The following PGBD5 variants were observed in gnomAD, a reference collection of about 807,000 sequenced individuals.
PGBD5 encodes the protein piggyBac transposable element derived 5.
In PGBD5, 14 loss-of-function variants were observed where a neutral mutation model predicts 47.9. The ratio of observed to expected loss-of-function variants is 0.29; its 90% CI spans 0.19 to 0.46. The LOEUF is 0.46. PGBD5 is among the 20% of genes least tolerant of loss of function. The probability of loss-of-function intolerance (pLI) is 1.00; values close to 1 mark genes in which losing one functional copy is unlikely to be tolerated. For missense variants in PGBD5, 635 were observed against 716.0 expected, an observed-to-expected ratio of 0.89 and a Z score of 1.29; for synonymous variants, 316 against 306.3, an observed-to-expected ratio of 1.03 and a Z score of -0.33.
intron 4 of PGBD5, among the ~76,000 whole-genome samples, 178 bp downstream of exon 4, chr1:230,336,930 G>A (rs891352635): frequency 6.6e-6 from 1 of 152,352 alleles, no homozygotes; most frequent in African/African-American, 2.4e-5. Context: ...CTAGTGCCCA[G>A]CGGGATCCAG....
At chr1:230,368,677 G>C (rs528534346) in intron 1 of PGBD5, among the ~76,000 whole-genome samples, 1 of 152,354 alleles carries the variant, frequency 6.6e-6, no homozygotes, top group South Asian at 2.1e-4. Flanking sequence ...TGCTGAGGGA[G>C]AGAAGAAAAA....
At chr1:230,401,124 G>A (rs977983653) in intron 1 of PGBD5, among the ~76,000 whole-genome samples, 16 of 152,178 alleles carry the variant, frequency 1.1e-4, no homozygotes, top group African/African-American at 3.9e-4. Flanking sequence ...ACAGCCCTAC[G>A]CAGATGGTCA....
In PGBD5 at chr1:230,394,213, G is replaced by A. The variant is rs560140798; in HGVS notation, c.331+31385C>T. Among the ~76,000 whole-genome samples, 13 of 151,980 alleles carry A rather than the reference G, an allele frequency of 8.6e-5. No individual in the cohort carries two copies. The South Asian group carries it at 2.7e-3, about 32-fold the overall frequency. ...TCCTGTCTCAGGCCTGAGGACCAGG[G>A]CAAAGCATGCTAGATAAACGTGCCC... On this transcript the variant is annotated intron_variant, in intron 1 of 6. Coordinates refer to ENST00000391860, the MANE Select transcript of PGBD5 (RefSeq NM_001258311.2).
chr1:230,406,109 C>A (rs1272999177), intron 1 of PGBD5, among the ~76,000 whole-genome samples: 1 of 151,974 alleles, frequency 6.6e-6, no homozygotes, highest in Admixed American at 6.5e-5. Context: ...GAAATCGAGA[C>A]CATCCTGGCT....
At position 230,357,188 on chromosome 1, in the gene PGBD5, G is replaced by A. The variant is rs765509303; in HGVS notation, c.465C>T (p.Ser155=). Residue 155 remains serine, a synonymous_variant, in exon 2 of 7, where the codon AGC becomes AGT. Transcript: ENST00000391860. This position sits in a 1 kb window ranked among gnomAD's most constrained non-coding sequence, Gnocchi z 5.7. ...GCGTCACCTCCACCCAGGCTCCGTC[G>A]CTCCCAAACCGCTCCTGGAACTTCT... is the stretch of plus-strand genomic sequence containing the variant. The part of the protein sequence containing the change: ...YAKKFQERFG[S]DGAWVEVTLT... The A allele has an allele frequency of 3.2e-5, 52 of 1,614,050 alleles. No homozygotes were observed. Among genetic ancestry groups the A allele is most frequent in the Admixed American group, 1.5e-4 (9 of 60,016 alleles).
intron 4 of PGBD5, among the ~76,000 whole-genome samples, chr1:230,333,509 G>T (rs1667256277): frequency 6.6e-6 from 1 of 152,190 alleles, no homozygotes; most frequent in Admixed American, 6.5e-5. Context: ...GGAGGGCAAA[G>T]ACAGGCATGA....
In PGBD5 at chr1:230,425,634, G is replaced by T; in HGVS notation, c.295C>A (p.Arg99=). The stretch of plus-strand genomic sequence containing the variant: ...TCGAAGCGCGGGGGCGGGCGGTCCC[G>T]CAGCGCTGCGCTCCAGCCCGCGCCG... ...EAGAGWSAAL[R]DRPPPRFEDT... The change falls in exon 1 of 7, where the codon CGG becomes AGG. Residue 99 remains arginine (R), a synonymous_variant. Transcript: ENST00000391860. The surrounding 1 kb of genome is among the most constrained non-coding windows in gnomAD (Gnocchi z 4.7). 2 of 1,220,338 alleles carry T rather than the reference G, an allele frequency of 1.6e-6. No individual in the cohort carries two copies. The highest frequency in any genetic ancestry group is 6.5e-5 in the East Asian group (2 of 30,650). The allele number at this position is 1,220,338 out of a possible 1,614,324, so 75.6% of individuals were successfully genotyped here.
intron 1 of PGBD5, among the ~76,000 whole-genome samples, chr1:230,393,183 G>A (rs1478191933): frequency 6.9e-6 from 1 of 143,932 alleles, no homozygotes; most frequent in Non-Finnish European, 1.5e-5. Flanking sequence ...GGGGAAGGGA[G>A]GGGGGGAGGA....
intron 1 of PGBD5, among the ~76,000 whole-genome samples, chr1:230,405,480 T>C (rs1657279787): frequency 6.6e-6 from 1 of 152,260 alleles, no homozygotes; most frequent in Non-Finnish European, 1.5e-5. Flanking sequence ...GAATACAGTA[T>C]ATAATACACA....
rs576688832 is a variant in PGBD5 at position 230,412,127 on chromosome 1, A to C, written c.331+13471T>G. On this transcript the variant is annotated intron_variant, in intron 1 of 6. Coordinates refer to ENST00000391860, the MANE Select transcript of PGBD5 (RefSeq NM_001258311.2). ...GAAGGGAGGGAAATTCCAACAAAAA[A>C]GGGAAAAGGGTCAGAAAAAGGACTC... is the stretch of plus-strand genomic sequence containing the variant. 3.9e-5 allele frequency among the ~76,000 whole-genome samples: 6 copies of C among 152,318 alleles called. No homozygotes were observed. The South Asian group carries it at 1.2e-3, about 32-fold the overall frequency.
Position 230,315,891 on chromosome 1 carries a change from T to TA in PGBD5, c.*7533_*7534insT, listed in dbSNP as rs1340510922. 1.0e-4 allele frequency: 15 copies of TA among 148,774 alleles called. 4 individuals are homozygous for TA. The highest frequency in any genetic ancestry group is 3.7e-4 in the African/African-American group (15 of 40,818). The allele number at this position is 148,774 out of a possible 1,614,324, so 9.2% of individuals were successfully genotyped here. Reference sequence around the variant, plus strand: ...ATATACATATATGGATACATACATATTTATGTGTACACATATATGTATATG... The same window carrying TA: ...ATATACATATATGGATACATACATATATTATGTGTACACATATATGTATATG... On this transcript the variant is annotated 3_prime_UTR_variant, in exon 7 of 7. Transcript: ENST00000391860.
At chr1:230,422,570 G>A (rs1657672285) in intron 1 of PGBD5, among the ~76,000 whole-genome samples, 2 of 152,182 alleles carry the variant, frequency 1.3e-5, no homozygotes, top group African/African-American at 4.8e-5. Context: ...AGCCCGACAA[G>A]CATAGCGTGT....
intron 5 of PGBD5, among the ~76,000 whole-genome samples, chr1:230,328,484 A>T (rs1558190412): frequency 6.6e-6 from 1 of 152,268 alleles, no homozygotes; most frequent in Middle Eastern, 3.4e-3. Flanking sequence ...AACATTGGCA[A>T]TATTAGCAAG....
chr1:230,381,189 T>G (rs868637622), intron 1 of PGBD5, among the ~76,000 whole-genome samples: 2 of 152,360 alleles, frequency 1.3e-5, no homozygotes, highest in South Asian at 2.1e-4. Context: ...GACTATAAAG[T>G]TAGAGCCAGC....
chr1:230,329,054 C>A (rs1028747750), intron 5 of PGBD5, among the ~76,000 whole-genome samples: 2 of 151,770 alleles, frequency 1.3e-5, no homozygotes, highest in Non-Finnish European at 2.9e-5. Flanking sequence ...TGCCTCAGTG[C>A]CCCACCAACC....
chr1:230,415,149 T>A (rs952770850), intron 1 of PGBD5, among the ~76,000 whole-genome samples: 3 of 151,988 alleles, frequency 2.0e-5, no homozygotes, highest in Non-Finnish European at 2.9e-5. Context: ...CTATCTGTAG[T>A]CTCCGCTGAG....
At chr1:230,418,214 A>AT (rs1657566725) in intron 1 of PGBD5, among the ~76,000 whole-genome samples, 1 of 152,230 alleles carries the variant, frequency 6.6e-6, no homozygotes, top group South Asian at 2.1e-4. Context: ...GAAGTGATGT[A>AT]TACAAACATC....
chr1:230,399,351 G>T (rs376268687), intron 1 of PGBD5, among the ~76,000 whole-genome samples: 5 of 152,134 alleles, frequency 3.3e-5, no homozygotes, highest in African/African-American at 1.2e-4. Context: ...TCTTCTCAGG[G>T]AGTCCGTTCT....
chr1:230,388,601 G>C (rs1284519754), intron 1 of PGBD5, among the ~76,000 whole-genome samples: 1 of 152,062 alleles, frequency 6.6e-6, no homozygotes, highest in Non-Finnish European at 1.5e-5. Flanking sequence ...ATTTTTAGTG[G>C]AGACAGGGTT....
Sources: allele counts gnomAD v4.1 joint callset (sites outside exome capture counted in the v4.1 genomes callset), GRCh38; gene constraint gnomAD v4.1.1; non-coding constraint Gnocchi (gnomAD v3.1); transcripts MANE v1.5; gene names NCBI Gene and HGNC (gene_info 2026-07-23, HGNC 2026-07-21).